The following RAP1GAP variants were observed in gnomAD, a reference collection of about 807,000 sequenced individuals.
RAP1GAP encodes the protein RAP1 GTPase activating protein, also known as rap1 GTPase-activating protein 1.
In RAP1GAP, 35 loss-of-function variants were observed where a neutral mutation model predicts 87.2. That is an observed-to-expected ratio of 0.40 (90% confidence interval 0.31 to 0.53). The LOEUF (loss-of-function observed/expected upper bound fraction) is 0.53, where lower values mean the gene tolerates loss of function less well. RAP1GAP is among the 20% of genes least tolerant of loss of function. The pLI is 0.48. For synonymous variants in RAP1GAP, 375 were observed against 363.9 expected, an observed-to-expected ratio of 1.03 and a Z score of -0.35; for missense variants, 734 against 898.9, an observed-to-expected ratio of 0.82 and a Z score of 2.35.
intron 2 of RAP1GAP, 151 bp downstream of exon 2, chr1:21,649,610 G>C: frequency 1.2e-6 from 1 of 863,676 alleles, no homozygotes; most frequent in Non-Finnish European, 1.8e-6. Context: ...TCTGGGGACA[G>C]TAAGAGGGTC....
intron 1 of RAP1GAP, among the ~76,000 whole-genome samples, chr1:21,660,005 AG>A (rs1349806370): frequency 6.6e-6 from 1 of 151,968 alleles, no homozygotes; most frequent in East Asian, 1.9e-4. Context: ...CCAGGGAAAA[AG>A]TCCTTCCAAC....
chr1:21,668,936 G>A lies in RAP1GAP; in HGVS notation c.-149+318C>T, dbSNP rs569827255. ...CAGGCGCCCCCACCTCGAGGTGGGC[G>A]GAAAACTGGACTCCCCACCCACCCA... On this transcript the variant is annotated intron_variant, in intron 1 of 24. Coordinates refer to ENST00000374765, the MANE Select transcript of RAP1GAP (RefSeq NM_002885.4). The surrounding 1 kb of genome is among the most constrained non-coding windows in gnomAD (Gnocchi z 6.2). 6.6e-6 allele frequency among the ~76,000 whole-genome samples: 1 copy of A among 151,696 alleles called. No homozygotes were observed. Among genetic ancestry groups the A allele is most frequent in the Non-Finnish European group, 1.5e-5 (1 of 67,756 alleles).
intron 21 of RAP1GAP, among the ~76,000 whole-genome samples, chr1:21,599,030 G>A (rs555029147): frequency 5.9e-5 from 9 of 152,370 alleles, no homozygotes; most frequent in African/African-American, 2.2e-4. Context: ...AACCTACCCC[G>A]AGATTAGGAA....
intron 7 of RAP1GAP, 31 bp from the exon 8 acceptor site, chr1:21,614,120 G>A: frequency 6.8e-7 from 1 of 1,474,790 alleles, no homozygotes. Context: ...CAGGGGAGTG[G>A]GTGAGGCTGA....
intron 18 of RAP1GAP, among the ~76,000 whole-genome samples, chr1:21,604,985 GTAGGTGGGTGGA>G (rs2073222440): frequency 9.3e-6 from 1 of 107,992 alleles, no homozygotes; most frequent in South Asian, 3.9e-4. Flanking sequence ...GGGTAGATGG[GTAGGTGGGTGGA>G]TGGGTGGGTG....
At position 21,596,869 on chromosome 1, in the gene RAP1GAP, C is replaced by G. The variant is rs1258058423; in HGVS notation, c.*430G>C. On this transcript the variant is annotated 3_prime_UTR_variant, in exon 25 of 25. Coordinates refer to ENST00000374765, the MANE Select transcript of RAP1GAP (RefSeq NM_002885.4). Reference sequence around the variant, plus strand: ...GCTCCCAACCCAGTGCTCACTCCCCCACATATCACATCCTCCTTGTGCTGC... The same window carrying G: ...GCTCCCAACCCAGTGCTCACTCCCCGACATATCACATCCTCCTTGTGCTGC... 6.6e-6 allele frequency: 1 copy of G among 152,506 alleles called. No homozygotes were observed. The highest frequency in any genetic ancestry group is 6.5e-5 in the Admixed American group (1 of 15,284). 9.4% of individuals were successfully genotyped at this position (152,506 alleles called of 1,614,324 possible). A position where few individuals can be genotyped will look rare whatever the true frequency, so the allele number is the denominator to read the frequency against.
chr1:21,613,057 G>A lies in RAP1GAP; in HGVS notation c.528+119C>T. 8.9e-7 allele frequency: 1 copy of A among 1,126,802 alleles called. No homozygotes were observed. Among genetic ancestry groups the A allele is most frequent in the South Asian group, 1.3e-5 (1 of 75,776 alleles). 69.8% of individuals were successfully genotyped at this position (1,126,802 alleles called of 1,614,324 possible). A position where few individuals can be genotyped will look rare whatever the true frequency, so the allele number is the denominator to read the frequency against. On this transcript the variant is annotated intron_variant, in intron 10 of 24. Transcript: ENST00000374765. The surrounding 1 kb of genome is among the most constrained non-coding windows in gnomAD (Gnocchi z 4.7). Reference sequence around the variant, plus strand: ...AAATTGTGGACTTCACAGGGTTATTGTGAGGATTAAATGAGAGAACCTTGG... The same window carrying A: ...AAATTGTGGACTTCACAGGGTTATTATGAGGATTAAATGAGAGAACCTTGG...
intron 18 of RAP1GAP, among the ~76,000 whole-genome samples, chr1:21,605,816 C>T (rs953424915): frequency 6.6e-6 from 1 of 152,228 alleles, no homozygotes; most frequent in African/African-American, 2.4e-5. Flanking sequence ...GCATAAAGGG[C>T]CAGGAGGAGG....
At chr1:21,616,518 A>G (rs1307755333) in intron 7 of RAP1GAP, among the ~76,000 whole-genome samples, 1 of 152,232 alleles carries the variant, frequency 6.6e-6, no homozygotes, top group Non-Finnish European at 1.5e-5. Context: ...GGAAGAGCCA[A>G]GATTCCCACA....
In RAP1GAP at chr1:21,603,937, CAG is replaced by C. The variant is rs375356232; in HGVS notation, c.1429-1026_1429-1025del. Reference sequence around the variant, plus strand: ...ACTGGCAAGCAGCAGAGGGCGGGGGCAGAGAGAGAGAGACAGAGAGAGAGTCA... The same window carrying C: ...ACTGGCAAGCAGCAGAGGGCGGGGGCAGAGAGAGAGACAGAGAGAGAGTCA... On this transcript the variant is annotated intron_variant, in intron 18 of 24. Transcript: ENST00000374765. The surrounding 1 kb of genome is among the most constrained non-coding windows in gnomAD (Gnocchi z 6.0). 5,521 of 1,421,032 alleles carry C rather than the reference CAG, an allele frequency of 3.9e-3. No homozygotes were observed. Among genetic ancestry groups the C allele is most frequent in the Admixed American group, 4.8e-3 (221 of 45,908 alleles). The allele number at this position is 1,421,032 out of a possible 1,614,324, so 88.0% of individuals were successfully genotyped here.
intron 2 of RAP1GAP, among the ~76,000 whole-genome samples, chr1:21,645,257 C>T (rs2095926836): frequency 6.6e-6 from 1 of 152,118 alleles, no homozygotes; most frequent in African/African-American, 2.4e-5. Flanking sequence ...TATTTCAGCC[C>T]ACCTCTGCCC....
rs180803016 is a variant in RAP1GAP at position 21,620,156 on chromosome 1, G to A, written c.-18-106C>T. On this transcript the variant is annotated intron_variant, in intron 3 of 24. Transcript: ENST00000374765. Reference sequence around the variant, plus strand: ...GTCCCACCAGCTCTGATCAGTGACCGAGGCACCTGTCTGAGTAGCAAGCGG... The same window carrying A: ...GTCCCACCAGCTCTGATCAGTGACCAAGGCACCTGTCTGAGTAGCAAGCGG... The A allele has an allele frequency of 4.7e-5, 56 of 1,201,974 alleles. No individual in the cohort carries two copies. In the African/African-American group the frequency reaches 5.1e-4, roughly 11 times the overall value. The allele number at this position is 1,201,974 out of a possible 1,614,324, so 74.5% of individuals were successfully genotyped here.
At position 21,598,411 on chromosome 1, in the gene RAP1GAP, C is replaced by T; in HGVS notation, c.1868G>A (p.Gly623Asp). 6.2e-7 allele frequency: 1 copy of T among 1,613,126 alleles called. No individual in the cohort carries two copies. Among genetic ancestry groups the T allele is most frequent in the African/African-American group, 1.3e-5 (1 of 75,024 alleles). ...CCTTGTCCTGGTACCTGGGGAGCTGCCCCCACTAGTGGTGCTGACACTGTC... is the reference window on the plus strand; with the variant it reads ...CCTTGTCCTGGTACCTGGGGAGCTGTCCCCACTAGTGGTGCTGACACTGTC... ...LEDSVSTTSG[G>D]SSPGPSRSPH... The change falls in exon 22 of 25, where the codon GGC becomes GAC. Residue 623 changes from glycine to aspartate, a missense_variant. By Grantham distance (94) the Gly-to-Asp change is moderately conservative (BLOSUM62 -1). This residue lies in a region of RAP1GAP where 249 missense variants were observed against 252.7 expected (regional missense o/e 0.99). Coordinates refer to ENST00000374765, the MANE Select transcript of RAP1GAP (RefSeq NM_002885.4).
At chr1:21,611,935 G>A in intron 11 of RAP1GAP, 91 bp downstream of exon 11, 1 of 1,483,696 alleles carries the variant, frequency 6.7e-7, no homozygotes, top group African/African-American at 1.4e-5. Flanking sequence ...GGGCTCCTGA[G>A]TCCCTTGGCC....
rs1329198823 is a variant in RAP1GAP at position 21,597,548 on chromosome 1, C to T, written c.*34+138G>A. On this transcript the variant is annotated intron_variant, in intron 24 of 24. Transcript: ENST00000374765. Reference sequence around the variant, plus strand: ...GTGGCCTGCCCAAGTCACCCAGCAACTGAGGACCAGGGGGCTCAAACCCAG... The same window carrying T: ...GTGGCCTGCCCAAGTCACCCAGCAATTGAGGACCAGGGGGCTCAAACCCAG... The T allele has an allele frequency of 1.4e-5, 12 of 877,818 alleles. No homozygotes were observed. The East Asian group carries it at 3.4e-4, about 25-fold the overall frequency. 54.4% of individuals were successfully genotyped at this position (877,818 alleles called of 1,614,324 possible).
chr1:21,620,705 C>T (rs904533523), intron 3 of RAP1GAP, among the ~76,000 whole-genome samples: 3 of 152,216 alleles, frequency 2.0e-5, no homozygotes, highest in Non-Finnish European at 2.9e-5. Context: ...AAGGCGGCAT[C>T]CCTGCCGGCT....
Position 21,649,808 on chromosome 1 carries a change from C to G in RAP1GAP, c.-148-12G>C. ...AGGACTTGTCCACCCTGAAACACAA[C>G]AAGAGGGGCCATAGGTGAGGGGACA... is the stretch of plus-strand genomic sequence containing the variant. On this transcript the variant is annotated splice_polypyrimidine_tract_variant and intron_variant, in intron 1 of 24. Transcript: ENST00000374765. 1 of 1,551,792 alleles carries G rather than the reference C, an allele frequency of 6.4e-7. No homozygotes were observed. Among genetic ancestry groups the G allele is most frequent in the South Asian group, 1.2e-5 (1 of 84,062 alleles).
chr1:21,619,217 G>A, intron 4 of RAP1GAP, 145 bp from the exon 5 acceptor site: 1 of 801,836 alleles, frequency 1.2e-6, no homozygotes, highest in East Asian at 2.8e-5. Flanking sequence ...GCTGGCTGGG[G>A]GCCCTGGGCC....
chr1:21,611,342 C>T lies in RAP1GAP; in HGVS notation c.843+110G>A, dbSNP rs2078135784. ...CACAAGTGGGGGCGCTGATCATTTC[C>T]ATCTCCATCCCAGGGCCCAGCGCTG... On this transcript the variant is annotated intron_variant, in intron 13 of 24. Coordinates refer to ENST00000374765, the MANE Select transcript of RAP1GAP (RefSeq NM_002885.4). 6 of 1,404,238 alleles carry T rather than the reference C, an allele frequency of 4.3e-6. No homozygotes were observed. In the Admixed American group the frequency reaches 8.8e-5, roughly 21 times the overall value. 87.0% of individuals were successfully genotyped at this position (1,404,238 alleles called of 1,614,324 possible). A position where few individuals can be genotyped will look rare whatever the true frequency, so the allele number is the denominator to read the frequency against.
Sources: allele counts gnomAD v4.1 joint callset (sites outside exome capture counted in the v4.1 genomes callset), GRCh38; gene constraint gnomAD v4.1.1; regional missense constraint gnomAD v4.1.1; non-coding constraint Gnocchi (gnomAD v3.1); transcripts MANE v1.5; gene names NCBI Gene and HGNC (gene_info 2026-07-23, HGNC 2026-07-21).